Variants in PPFIA2 observed in about 807,000 individuals in gnomAD.
PPFIA2 encodes PPFI scaffold protein A2.
Under a neutral mutation model 175.5 loss-of-function variants are expected in PPFIA2, and 46 were observed. That is an observed-to-expected ratio of 0.26 (90% confidence interval 0.21 to 0.34). The LOEUF is 0.34. Among genes scored for constraint, PPFIA2 ranks in the 10% least tolerant of loss-of-function variants. The pLI is 1.00. For missense variants in PPFIA2, 1,179 were observed against 1,506.1 expected (o/e 0.78, Z 3.60); for synonymous variants, 568 against 511.4 (o/e 1.11, Z -1.49).
At chr12:81,713,114 A>C (rs1206528496) in intron 3 of PPFIA2, among the ~76,000 whole-genome samples, 1 of 151,294 alleles carries the variant, frequency 6.6e-6, no homozygotes, top group Non-Finnish European at 1.5e-5. Context: ...TTTTGAAATG[A>C]TTTTAATACT....
chr12:81,725,228 A>G (rs1003255567), intron 3 of PPFIA2, among the ~76,000 whole-genome samples: 4 of 151,046 alleles, frequency 2.6e-5, no homozygotes, highest in African/African-American at 9.7e-5. Flanking sequence ...TAATCTATAT[A>G]TTAAATTCCA....
chr12:81,490,307 C>G (rs1593861446), intron 4 of PPFIA2, among the ~76,000 whole-genome samples: 1 of 151,794 alleles, frequency 6.6e-6, no homozygotes, highest in Admixed American at 6.6e-5. Context: ...CTGAAAATAG[C>G]CAATCTAAAC....
chr12:81,672,264 G>A (rs1164955091), intron 4 of PPFIA2, among the ~76,000 whole-genome samples: 1 of 151,952 alleles, frequency 6.6e-6, no homozygotes, highest in Non-Finnish European at 1.5e-5. Flanking sequence ...AAGTAAATGA[G>A]TAGAACATTG....
At chr12:81,355,400 C>G (rs954683383) in intron 16 of PPFIA2, among the ~76,000 whole-genome samples, 1 of 152,250 alleles carries the variant, frequency 6.6e-6, no homozygotes, top group African/African-American at 2.4e-5. Context: ...TTCTTGAAGA[C>G]CCTAGGATTT....
At chr12:81,575,200 C>G (rs912691468) in intron 4 of PPFIA2, among the ~76,000 whole-genome samples, 3 of 151,748 alleles carry the variant, frequency 2.0e-5, no homozygotes, top group Admixed American at 6.6e-5. Flanking sequence ...ATCCCCTTAT[C>G]CACAATGGAA....
chr12:81,621,646 T>G (rs1307749269), intron 4 of PPFIA2, among the ~76,000 whole-genome samples: 1 of 152,074 alleles, frequency 6.6e-6, no homozygotes, highest in African/African-American at 2.4e-5. Context: ...TCCAAAAATA[T>G]TTTGAAGGTA....
At chr12:81,629,559 G>A (rs17008823) in intron 4 of PPFIA2, among the ~76,000 whole-genome samples, 1,779 of 152,200 alleles carry the variant, frequency 0.012, 46 homozygotes, top group East Asian at 0.042. Flanking sequence ...TGCTTAATAG[G>A]TCACAGAGCT....
chr12:81,531,679 A>T (rs566400758), intron 4 of PPFIA2, among the ~76,000 whole-genome samples: 1 of 151,666 alleles, frequency 6.6e-6, no homozygotes, highest in East Asian at 1.9e-4. Context: ...CTACTGTACC[A>T]GGAACATTGT....
chr12:81,402,481 C>A (rs1314131382), intron 8 of PPFIA2, among the ~76,000 whole-genome samples: 1 of 151,922 alleles, frequency 6.6e-6, no homozygotes, highest in Non-Finnish European at 1.5e-5. Flanking sequence ...ATGTGTGTAA[C>A]TTGGGAGTAT....
intron 3 of PPFIA2, among the ~76,000 whole-genome samples, chr12:81,685,027 C>T (rs539478493): frequency 1.3e-5 from 2 of 152,104 alleles, no homozygotes; most frequent in South Asian, 2.1e-4. Flanking sequence ...ACATGTATGT[C>T]TGGCATTAAT....
chr12:81,563,837 T>G (rs1047012849), intron 4 of PPFIA2, among the ~76,000 whole-genome samples: 2 of 152,144 alleles, frequency 1.3e-5, no homozygotes, highest in Non-Finnish European at 2.9e-5. Context: ...AAGCTGAGAA[T>G]CATATGGTCC....
chr12:81,537,309 G>A (rs913278955), intron 4 of PPFIA2, among the ~76,000 whole-genome samples: 1 of 151,672 alleles, frequency 6.6e-6, no homozygotes. Flanking sequence ...CTCCCCACTG[G>A]CAATGGAGAC....
chr12:81,702,396 G>T (rs551047869), intron 3 of PPFIA2, among the ~76,000 whole-genome samples: 1 of 151,806 alleles, frequency 6.6e-6, no homozygotes, highest in Admixed American at 6.6e-5. Flanking sequence ...TACCCACTTC[G>T]CTCTGACCTA....
chr12:81,429,173 G>A (rs1048968732), intron 7 of PPFIA2, among the ~76,000 whole-genome samples: 5 of 151,994 alleles, frequency 3.3e-5, no homozygotes, highest in African/African-American at 1.2e-4. Context: ...CATTATGAGA[G>A]TAATCATTTT....
In PPFIA2 at chr12:81,347,681, A is replaced by G. The variant is rs1412239284; in HGVS notation, c.2084T>C (p.Leu695Ser). 1 of 1,613,762 alleles carries G rather than the reference A, an allele frequency of 6.2e-7. No homozygotes were observed. The highest frequency in any genetic ancestry group is 8.5e-7 in the Non-Finnish European group (1 of 1,179,834). Residue 695 changes from leucine to serine, a missense_variant, in exon 18 of 33, where the codon TTG (leucine) becomes TCG (serine). Leu to Ser is a moderately radical substitution (Grantham distance 145). Transcript: ENST00000549396. The stretch of plus-strand genomic sequence containing the variant: ...GGAGGTACCTGGGTGGACCCTTGCC[A>G]AATTCAGGCCTTCGAGGCTCACACT... ...VASVSLEGLNLARVHPGTSIT... is the reference protein window; with the variant it reads ...VASVSLEGLNSARVHPGTSIT...
At chr12:81,655,499 C>T (rs1480239528) in intron 4 of PPFIA2, among the ~76,000 whole-genome samples, 1 of 151,768 alleles carries the variant, frequency 6.6e-6, no homozygotes, top group African/African-American at 2.4e-5. Context: ...TGTAGTATCT[C>T]AAAATGAATC....
intron 4 of PPFIA2, among the ~76,000 whole-genome samples, chr12:81,641,978 T>G (rs188189525): frequency 1.4e-3 from 214 of 152,318 alleles, no homozygotes; most frequent in Admixed American, 2.7e-3. Flanking sequence ...TGCATTCATG[T>G]GTTACTGATT....
At chr12:81,677,729 G>C (rs76551365) in intron 3 of PPFIA2, among the ~76,000 whole-genome samples, 2 of 151,780 alleles carry the variant, frequency 1.3e-5, no homozygotes, top group African/African-American at 4.8e-5. Flanking sequence ...TAAAGAGATC[G>C]ATTTTTAACC....
At chr12:81,734,007 C>T (rs187124964) in intron 3 of PPFIA2, among the ~76,000 whole-genome samples, 5 of 151,874 alleles carry the variant, frequency 3.3e-5, no homozygotes, top group African/African-American at 9.6e-5. Flanking sequence ...GATTTGAGGG[C>T]TGTGTCTTCT....
Sources: allele counts gnomAD v4.1 joint callset (sites outside exome capture counted in the v4.1 genomes callset), GRCh38; gene constraint gnomAD v4.1.1; transcripts MANE v1.5; gene names NCBI Gene and HGNC (gene_info 2026-07-23, HGNC 2026-07-21).